Variants in BIRC6 observed in about 807,000 individuals in gnomAD.
BIRC6 encodes the protein baculoviral IAP repeat containing 6, also known as dual E2 ubiquitin-conjugating enzyme/E3 ubiquitin-protein ligase BIRC6.
Under a neutral mutation model 503.3 loss-of-function variants are expected in BIRC6, and 98 were observed. The observed-to-expected ratio is 0.19, with a 90% CI of 0.17 to 0.23. BIRC6 has a LOEUF of 0.23. Ranked by LOEUF, BIRC6 falls within the 10% of genes least tolerant of loss-of-function variation. The pLI, the probability that BIRC6 is intolerant of heterozygous loss-of-function variation, is 1.00. For missense variants in BIRC6, 5,360 were observed against 5,806.0 expected, an observed-to-expected ratio of 0.92 and a Z score of 2.50; for synonymous variants, 2,240 against 2,078.7, an observed-to-expected ratio of 1.08 and a Z score of -2.11.
chr2:32,377,171 T>G (rs1409349912), intron 1 of BIRC6, among the ~76,000 whole-genome samples: 1 of 151,974 alleles, frequency 6.6e-6, no homozygotes, highest in Non-Finnish European at 1.5e-5. Flanking sequence ...TCTACTAGTT[T>G]TAAACATTTT....
chr2:32,468,023 C>G lies in BIRC6; in HGVS notation c.5692C>G (p.Leu1898Val). The change falls in exon 28 of 74, where the codon CTA becomes GTA. Residue 1898 changes from leucine to valine, a missense_variant. Leu to Val is a conservative substitution (Grantham distance 32). Coordinates refer to ENST00000421745, the MANE Select transcript of BIRC6 (RefSeq NM_016252.4). ...TGAACTGAAGTTAATGCATGATCCTCTAAAGGGAGAGGGAGAATCTGCAAA... is the reference window on the plus strand; with the variant it reads ...TGAACTGAAGTTAATGCATGATCCTGTAAAGGGAGAGGGAGAATCTGCAAA... The part of the protein sequence containing the change: ...ESELKLMHDP[L>V]KGEGESANQP... 1 of 1,613,816 alleles carries G rather than the reference C, an allele frequency of 6.2e-7. No homozygotes were observed. The highest frequency in any genetic ancestry group is 8.5e-7 in the Non-Finnish European group (1 of 1,179,842).
At chr2:32,461,053 T>TCTCC (rs2047879034) in intron 23 of BIRC6, among the ~76,000 whole-genome samples, 4 of 58,572 alleles carry the variant, frequency 6.8e-5, no homozygotes, top group East Asian at 4.4e-4. Flanking sequence ...TTCTCTTCTC[T>TCTCC]TCTCTTCTCT....
chr2:32,484,317 C>A (rs189601474), intron 39 of BIRC6, among the ~76,000 whole-genome samples: 3 of 151,984 alleles, frequency 2.0e-5, no homozygotes, highest in Non-Finnish European at 4.4e-5. Flanking sequence ...CTTGGGAGGC[C>A]GAGGCAGGTG....
Position 32,465,102 on chromosome 2 carries a change from A to G in BIRC6, c.5294A>G (p.His1765Arg), listed in dbSNP as rs1176701382. The G allele has an allele frequency of 2.5e-6, 4 of 1,605,602 alleles. No individual in the cohort carries two copies. Among genetic ancestry groups the G allele is most frequent in the Non-Finnish European group, 3.4e-6 (4 of 1,176,062 alleles). The change falls in exon 26 of 74, where the codon CAT (histidine) becomes CGT (arginine). Residue 1765 changes from histidine (H) to arginine (R), a missense_variant. His to Arg is a conservative substitution (Grantham distance 29). Coordinates refer to ENST00000421745, the MANE Select transcript of BIRC6 (RefSeq NM_016252.4). ...LGSGLALAIS[H>R]ASHFLQPPPH... ...TCTGGTCTAGCCCTTGCAATTTCTC[A>G]TGCTTCACATTTTCTTCAACCTCCG...
Position 32,436,114 on chromosome 2 carries a change from G to T in BIRC6, c.3561G>T (p.Trp1187Cys). ...AAGACATTCTATGTGGGCCAGTATG[G>T]CTTGCTAGTGGCCTTGATCTATCAG... ...HKEDILCGPV[W>C]LASGLDLSGH... The change falls in exon 15 of 74, where the codon TGG becomes TGT. Residue 1187 changes from tryptophan (W) to cysteine (C), a missense_variant. This residue lies in a region of BIRC6 where 2,299 missense variants were observed against 2,267.2 expected (regional missense o/e 1.01). Coordinates refer to ENST00000421745, the MANE Select transcript of BIRC6 (RefSeq NM_016252.4). 1 of 1,500,090 alleles carries T rather than the reference G, an allele frequency of 6.7e-7. No homozygotes were observed. Among genetic ancestry groups the T allele is most frequent in the Non-Finnish European group, 9.0e-7 (1 of 1,110,962 alleles). The allele number at this position is 1,500,090 out of a possible 1,614,324, so 92.9% of individuals were successfully genotyped here.
intron 57 of BIRC6, among the ~76,000 whole-genome samples, chr2:32,520,073 A>C (rs2149786514): frequency 6.6e-6 from 1 of 152,372 alleles, no homozygotes; most frequent in Middle Eastern, 3.4e-3. Context: ...ATACATAAGA[A>C]GGGACCTAAG....
intron 8 of BIRC6, 63 bp downstream of exon 8, chr2:32,401,686 T>C: frequency 3.5e-6 from 5 of 1,413,284 alleles, no homozygotes; most frequent in Non-Finnish European, 4.8e-6. Context: ...TTTTATATTC[T>C]CATAGTTCTA....
chr2:32,406,611 A>G, intron 9 of BIRC6, 54 bp downstream of exon 9: 1 of 1,251,704 alleles, frequency 8.0e-7, no homozygotes, highest in Non-Finnish European at 1.2e-6. Flanking sequence ...ACAGTTGTGC[A>G]TACAGCTAAC....
At chr2:32,538,066 T>G (rs1032586653) in intron 61 of BIRC6, among the ~76,000 whole-genome samples, 1 of 152,124 alleles carries the variant, frequency 6.6e-6, no homozygotes, top group Non-Finnish European at 1.5e-5. Flanking sequence ...ATTAATAGAA[T>G]CAATTCAGTA....
intron 8 of BIRC6, among the ~76,000 whole-genome samples, chr2:32,405,108 AG>A (rs1299286152): frequency 1.3e-5 from 2 of 152,192 alleles, no homozygotes; most frequent in Non-Finnish European, 2.9e-5. Context: ...TTAGTACAGC[AG>A]GTTAATACTT....
chr2:32,485,567 C>A, intron 39 of BIRC6, 76 bp from the exon 40 acceptor site: 1 of 965,232 alleles, frequency 1.0e-6, no homozygotes, highest in South Asian at 1.5e-5. Flanking sequence ...GTTCAGATGT[C>A]ATCATTTTAT....
rs776800382 is a variant in BIRC6, at chr2:32,416,107, C to A, written c.2816C>A (p.Thr939Lys). ...AAGGAGGGCACTGAGGAACAGGACA[C>A]ATTTGTTTCTGTGATTTACTGTTCT... is the stretch of plus-strand genomic sequence containing the variant. ...PKKEGTEEQDTFVSVIYCSGT... is the reference protein window; with the variant it reads ...PKKEGTEEQDKFVSVIYCSGT... Residue 939 changes from threonine to lysine, a missense_variant, in exon 10 of 74, where the codon ACA (threonine) becomes AAA (lysine). By Grantham distance (78) the Thr-to-Lys change is moderately conservative. Around this residue, in one of 16 missense-constraint regions of BIRC6, gnomAD observed 700 missense variants for 739.3 expected, o/e 0.95. Transcript: ENST00000421745. 1.2e-6 allele frequency: 2 copies of A among 1,613,394 alleles called. No individual in the cohort carries two copies. The highest frequency in any genetic ancestry group is 1.7e-6 in the Non-Finnish European group (2 of 1,179,680).
intron 60 of BIRC6, among the ~76,000 whole-genome samples, chr2:32,531,102 T>G (rs1411099874): frequency 6.6e-6 from 1 of 152,170 alleles, no homozygotes; most frequent in Non-Finnish European, 1.5e-5. Flanking sequence ...CATTTCAAAC[T>G]AGCTTGCAGG....
In BIRC6 at chr2:32,502,881, T is replaced by C. The variant is rs766949724; in HGVS notation, c.9294T>C (p.Phe3098=). 1 of 1,607,230 alleles carries C rather than the reference T, an allele frequency of 6.2e-7. No homozygotes were observed. Among genetic ancestry groups the C allele is most frequent in the Non-Finnish European group, 8.5e-7 (1 of 1,175,048 alleles). Residue 3098 remains phenylalanine, a synonymous_variant, in exon 48 of 74, where the codon TTT becomes TTC. Transcript: ENST00000421745. ...ATACTAGTGATGCCTTGAAAGCATT[T>C]CATGATATGGGTAAGATAATATTTC... ...VLDTSDALKA[F]HDMGGVQLIC...
At chr2:32,365,312 A>G (rs2034731284) in intron 1 of BIRC6, among the ~76,000 whole-genome samples, 1 of 145,230 alleles carries the variant, frequency 6.9e-6, no homozygotes, top group Non-Finnish European at 1.5e-5. Flanking sequence ...CACCATAAAC[A>G]GTCAATAAAT....
At position 32,441,453 on chromosome 2, in the gene BIRC6, C is replaced by G. The variant is rs749093978; in HGVS notation, c.3935C>G (p.Ser1312Cys). The change falls in exon 17 of 74, where the codon TCT (serine) becomes TGT (cysteine). Residue 1312 changes from serine (S) to cysteine (C), a missense_variant. Physicochemically the swap from Ser to Cys is moderately radical, Grantham distance 112. This residue lies in a region of BIRC6 where 2,299 missense variants were observed against 2,267.2 expected (regional missense o/e 1.01). Coordinates refer to ENST00000421745, the MANE Select transcript of BIRC6 (RefSeq NM_016252.4). The part of the protein sequence containing the change: ...TIRRFKKTSI[S>C]KERVQRCAML... ...CGAAGATTTAAGAAAACCTCAATTT[C>G]TAAGGAAAGGTAATTTCATTGCATT... 1.2e-6 allele frequency: 2 copies of G among 1,609,030 alleles called. No homozygotes were observed. The highest frequency in any genetic ancestry group is 2.7e-5 in the African/African-American group (2 of 74,876).
At position 32,581,256 on chromosome 2, in the gene BIRC6, A is replaced by C. The variant is rs578131806; in HGVS notation, c.13355+5890A>C. Among the ~76,000 whole-genome samples the C allele has an allele frequency of 5.3e-5, 8 of 152,342 alleles. No homozygotes were observed. In the East Asian group the frequency reaches 1.5e-3, roughly 29 times the overall value. ...CCAGCTAAAGTTGTAGACATGGAACACTTATACAACATTAAATTTTGTGTC... is the reference window on the plus strand; with the variant it reads ...CCAGCTAAAGTTGTAGACATGGAACCCTTATACAACATTAAATTTTGTGTC... On this transcript the variant is annotated intron_variant, in intron 66 of 73. Transcript: ENST00000421745.
chr2:32,546,908 A>G (rs569541487), intron 63 of BIRC6, among the ~76,000 whole-genome samples: 7 of 152,120 alleles, frequency 4.6e-5, no homozygotes, highest in South Asian at 2.1e-4. Flanking sequence ...GTGAAACTCT[A>G]TCTCTATTAA....
intron 23 of BIRC6, among the ~76,000 whole-genome samples, chr2:32,455,772 C>G (rs913341691): frequency 6.6e-6 from 1 of 152,206 alleles, no homozygotes; most frequent in Non-Finnish European, 1.5e-5. Context: ...TCTCCCCCTG[C>G]AAAGCAAGCA....
Sources: allele counts gnomAD v4.1 joint callset (sites outside exome capture counted in the v4.1 genomes callset), GRCh38; gene constraint gnomAD v4.1.1; regional missense constraint gnomAD v4.1.1; transcripts MANE v1.5; gene names NCBI Gene and HGNC (gene_info 2026-07-23, HGNC 2026-07-21).